The following FGF14 variants were observed in gnomAD, a reference collection of about 807,000 sequenced individuals.
FGF14 encodes the protein fibroblast growth factor 14, also known as fibroblast growth factor homologous factor 4.
FGF14 carries 5 observed loss-of-function variants against 25.5 expected under a neutral mutation model. The observed-to-expected ratio is 0.20, with a 90% CI of 0.10 to 0.41. The LOEUF is 0.41. Among genes scored for constraint, FGF14 ranks in the 10% least tolerant of loss-of-function variants. FGF14 has a pLI of 1.00. For synonymous variants in FGF14, 138 were observed against 118.3 expected (o/e 1.17, Z -1.08); for missense variants, 222 against 320.1 (o/e 0.69, Z 2.34).
intron 1 of FGF14, among the ~76,000 whole-genome samples, chr13:102,033,426 A>G (rs1158345593): frequency 2.0e-5 from 3 of 152,188 alleles, no homozygotes; most frequent in Non-Finnish European, 4.4e-5. Context: ...GAAGCGTTCT[A>G]TATTTTAAAA....
intron 3 of FGF14, among the ~76,000 whole-genome samples, chr13:101,823,494 A>G (rs1459486765): frequency 6.7e-6 from 1 of 150,374 alleles, no homozygotes; most frequent in Non-Finnish European, 1.5e-5. Context: ...CTGGAGTGCA[A>G]TGGCGCGATC....
intron 1 of FGF14, among the ~76,000 whole-genome samples, chr13:102,285,922 G>A (rs1003045802): frequency 2.0e-5 from 3 of 152,164 alleles, no homozygotes; most frequent in Non-Finnish European, 4.4e-5. Flanking sequence ...ACAAGATAGA[G>A]GATTGGTGAG....
intron 1 of FGF14, among the ~76,000 whole-genome samples, chr13:102,353,841 T>A (rs1191564339): frequency 6.6e-6 from 1 of 152,220 alleles, no homozygotes; most frequent in Non-Finnish European, 1.5e-5. Context: ...ACTTCAACCA[T>A]CAGGCTCTTC....
intron 1 of FGF14, among the ~76,000 whole-genome samples, chr13:102,069,656 G>A (rs1401531915): frequency 2.6e-5 from 4 of 152,092 alleles, no homozygotes; most frequent in African/African-American, 9.7e-5. Context: ...AAGGTCTGCA[G>A]CTTCACTCCT....
intron 1 of FGF14, among the ~76,000 whole-genome samples, chr13:101,883,231 T>A (rs1170221991): frequency 6.6e-6 from 1 of 152,336 alleles, no homozygotes; most frequent in East Asian, 1.9e-4. Flanking sequence ...CAGGAAGTGA[T>A]GCCTCTTGAC....
At chr13:102,276,298 TACACACACACACAC>T (rs57994075) in intron 1 of FGF14, among the ~76,000 whole-genome samples, 5 of 118,298 alleles carry the variant, frequency 4.2e-5, no homozygotes, top group Non-Finnish European at 3.5e-5. Flanking sequence ...AACTTGGAAA[TACACACACACACAC>T]ACACACACAC....
chr13:101,992,342 T>C (rs2038956542), intron 1 of FGF14, among the ~76,000 whole-genome samples: 1 of 152,048 alleles, frequency 6.6e-6, no homozygotes, highest in African/African-American at 2.4e-5. Context: ...CAGATAAATA[T>C]CAAACCTCAT....
chr13:102,028,804 A>G (rs1009070800), intron 1 of FGF14, among the ~76,000 whole-genome samples: 1 of 152,064 alleles, frequency 6.6e-6, no homozygotes. Context: ...TGGGAACTAT[A>G]AACAAATTAA....
In FGF14 at chr13:101,714,402, T is replaced by C; in HGVS notation, c.*8429A>G. ...TATTCGAGATGGAAACCTTTAGTTA[T>C]AAGGTGATGGTGAGTAATAGCCTTT... is the stretch of plus-strand genomic sequence containing the variant. On this transcript the variant is annotated 3_prime_UTR_variant, in exon 5 of 5. Transcript: ENST00000376143. 3 of 1,150,478 alleles carry C rather than the reference T, an allele frequency of 2.6e-6. No homozygotes were observed. Among genetic ancestry groups the C allele is most frequent in the Non-Finnish European group, 1.3e-6 (1 of 757,772 alleles). 71.3% of individuals were successfully genotyped at this position (1,150,478 alleles called of 1,614,324 possible).
At chr13:102,079,624 A>G (rs1204643180) in intron 1 of FGF14, among the ~76,000 whole-genome samples, 2 of 152,128 alleles carry the variant, frequency 1.3e-5, no homozygotes, top group Non-Finnish European at 2.9e-5. Flanking sequence ...CATGTACCAT[A>G]CATGATACTG....
chr13:101,745,051 G>C (rs9634452), intron 3 of FGF14, among the ~76,000 whole-genome samples: 23,726 of 151,984 alleles, frequency 0.16, 1,967 homozygotes, highest in African/African-American at 0.18. Context: ...TTCTGTAGGG[G>C]TTCATTTTAT....
At chr13:102,389,642 C>A (rs1595034601) in intron 1 of FGF14, among the ~76,000 whole-genome samples, 1 of 152,302 alleles carries the variant, frequency 6.6e-6, no homozygotes, top group African/African-American at 2.4e-5. Flanking sequence ...AAAGATAACA[C>A]CTCCCTGCAG....
At chr13:102,286,966 G>A (rs922938437) in intron 1 of FGF14, among the ~76,000 whole-genome samples, 3 of 150,318 alleles carry the variant, frequency 2.0e-5, no homozygotes, top group Non-Finnish European at 4.4e-5. Context: ...TGATATTTGA[G>A]CTTTAATAGT....
intron 1 of FGF14, among the ~76,000 whole-genome samples, chr13:101,893,036 G>GTTAA (rs1201777438): frequency 6.6e-5 from 10 of 152,172 alleles, no homozygotes; most frequent in African/African-American, 2.4e-4. Flanking sequence ...GATGCATGCA[G>GTTAA]TTAAGATGCC....
At chr13:102,189,485 T>C (rs1273221399) in intron 1 of FGF14, among the ~76,000 whole-genome samples, 2 of 152,034 alleles carry the variant, frequency 1.3e-5, no homozygotes, top group East Asian at 1.9e-4. Flanking sequence ...AGAACTAAAC[T>C]TGAAAGAGGT....
chr13:101,914,952 C>T (rs2033319619), intron 1 of FGF14, among the ~76,000 whole-genome samples: 1 of 152,144 alleles, frequency 6.6e-6, no homozygotes, highest in East Asian at 1.9e-4. Flanking sequence ...TCGAGTTGGT[C>T]TCATTACACA....
At chr13:102,125,134 A>G (rs913185314) in intron 1 of FGF14, among the ~76,000 whole-genome samples, 1 of 152,180 alleles carries the variant, frequency 6.6e-6, no homozygotes, top group Non-Finnish European at 1.5e-5. Flanking sequence ...CTAAACTCAC[A>G]GATATTATTG....
chr13:102,198,226 A>G lies in FGF14; in HGVS notation c.208+203245T>C, dbSNP rs369649584. Among the ~76,000 whole-genome samples the G allele has an allele frequency of 9.2e-5, 14 of 152,326 alleles. No homozygotes were observed. In the East Asian group the frequency reaches 2.5e-3, roughly 27 times the overall value. ...CCATCGGAAGCCACAGCACAGTGCT[A>G]GGCAAGAATCAGAGGAATAAAACAC... is the stretch of plus-strand genomic sequence containing the variant. On this transcript the variant is annotated intron_variant, in intron 1 of 4. Transcript: ENST00000376131.
chr13:102,318,802 T>G (rs896904274), intron 1 of FGF14, among the ~76,000 whole-genome samples: 1 of 152,152 alleles, frequency 6.6e-6, no homozygotes, highest in Non-Finnish European at 1.5e-5. Flanking sequence ...GGGGGGCACG[T>G]TTCAACCCAT....
Sources: gnomAD v4.1 joint callset for allele counts (sites outside exome capture counted in the v4.1 genomes callset) on GRCh38, gnomAD v4.1.1 for gene constraint, MANE v1.5 for transcripts, NCBI Gene and HGNC (gene_info 2026-07-23, HGNC 2026-07-21) for gene names.